Variants in DEFA4 observed in about 807,000 individuals in gnomAD.
DEFA4 encodes corticostatin.
In DEFA4, 8 loss-of-function variants were observed where a neutral mutation model predicts 4.4. The ratio of observed to expected loss-of-function variants is 1.82; its 90% CI spans 1.07 to 3.29. The LOEUF is 3.29. Ranked by LOEUF, DEFA4 falls within the 30% of genes most tolerant of loss-of-function variation. The pLI is 0.00. For synonymous variants in DEFA4, 77 were observed against 46.5 expected, an observed-to-expected ratio of 1.66 and a Z score of -2.67; for missense variants, 216 against 127.0, an observed-to-expected ratio of 1.70 and a Z score of -3.37.
intron 1 of DEFA4, among the ~76,000 whole-genome samples, 162 bp from the exon 2 acceptor site, chr8:6,937,073 A>G (rs1808890162): frequency 6.6e-6 from 1 of 152,038 alleles, no homozygotes; most frequent in South Asian, 2.1e-4. Context: ...TGGCCTTGAC[A>G]TCCCTGGAAT....
chr8:6,936,645 T>A lies in DEFA4; in HGVS notation c.172+83A>T, dbSNP rs1004820017. On this transcript the variant is annotated intron_variant, in intron 2 of 2. Transcript: ENST00000297435. The stretch of plus-strand genomic sequence containing the variant: ...GGTAAGTAAAGCCACCTAAGTGACA[T>A]CCACCATTGAGATGTGATTCCAGAG... 2.2e-6 allele frequency: 3 copies of A among 1,371,304 alleles called. No homozygotes were observed. The African/African-American group carries it at 4.4e-5, about 20-fold the overall frequency. 84.9% of individuals were successfully genotyped at this position (1,371,304 alleles called of 1,614,324 possible).
intron 2 of DEFA4, among the ~76,000 whole-genome samples, chr8:6,936,356 T>G (rs934229963): frequency 1.3e-5 from 2 of 152,156 alleles, no homozygotes; most frequent in African/African-American, 4.8e-5. Context: ...TTTGTGTGCT[T>G]TTGCCCCATC....
intron 1 of DEFA4, 99 bp from the exon 2 acceptor site, chr8:6,937,010 C>T: frequency 1.8e-6 from 2 of 1,107,444 alleles, no homozygotes; most frequent in Middle Eastern, 3.1e-4. Flanking sequence ...AAACCTTTGG[C>T]CTTCTGAGTG....
In DEFA4 at chr8:6,936,088, C is replaced by G. The variant is rs1224631246; in HGVS notation, c.226G>C (p.Glu76Gln). Residue 76 changes from glutamate (E) to glutamine (Q), a missense_variant, in exon 3 of 3, where the codon GAA becomes CAA. Glu to Gln is a conservative substitution (Grantham distance 29, BLOSUM62 2). Transcript: ENST00000297435. ...ATGAGGCAGTTCCCAACACGAAGTTCTGTTCGCCGGCAGAATACTAATCTG... is the reference window on the plus strand; with the variant it reads ...ATGAGGCAGTTCCCAACACGAAGTTGTGTTCGCCGGCAGAATACTAATCTG... ...SCRLVFCRRT[E>Q]LRVGNCLIGG... is the part of the protein sequence containing the mutation. 1 of 1,614,070 alleles carries G rather than the reference C, an allele frequency of 6.2e-7. No individual in the cohort carries two copies. Among genetic ancestry groups the G allele is most frequent in the Admixed American group, 1.7e-5 (1 of 60,016 alleles).
rs7002252 is a variant in DEFA4 at position 6,936,606 on chromosome 8, C to T, written c.172+122G>A. ...CTATTCAGTTTGGAGATAAGAAAATCGAGGCCCAGAGATGGTAAGTAAAGC... is the reference window on the plus strand; with the variant it reads ...CTATTCAGTTTGGAGATAAGAAAATTGAGGCCCAGAGATGGTAAGTAAAGC... On this transcript the variant is annotated intron_variant, in intron 2 of 2. Coordinates refer to ENST00000297435, the MANE Select transcript of DEFA4 (RefSeq NM_001925.3). 1,773 of 970,854 alleles carry T rather than the reference C, an allele frequency of 1.8e-3. 28 individuals carry two copies. The African/African-American group carries it at 0.023, about 13-fold the overall frequency. 60.1% of individuals were successfully genotyped at this position (970,854 alleles called of 1,614,324 possible).
Position 6,935,979 on chromosome 8 carries a change from G to C in DEFA4, c.*41C>G, listed in dbSNP as rs757454632. On this transcript the variant is annotated 3_prime_UTR_variant, in exon 3 of 3. Coordinates refer to ENST00000297435, the MANE Select transcript of DEFA4 (RefSeq NM_001925.3). The stretch of plus-strand genomic sequence containing the variant: ...AGCATGTGAAGCTAACACCACCGAT[G>C]ATGGCGTTCCCAGCATGACATTCTC... The C allele has an allele frequency of 3.7e-6, 6 of 1,611,908 alleles. No homozygotes were observed. Among genetic ancestry groups the C allele is most frequent in the Non-Finnish European group, 5.1e-6 (6 of 1,178,364 alleles).
rs1306010623 is a variant in DEFA4, at chr8:6,936,776, T to C, written c.124A>G (p.Ile42Val). ...TTATCCCATGCAAAGGAAATAGATA[T>C]GTCCTGGTCTTCTGGCCCACGCTGC... is the stretch of plus-strand genomic sequence containing the variant. ...QEQRGPEDQDISISFAWDKSS... is the reference protein window; with the variant it reads ...QEQRGPEDQDVSISFAWDKSS... The change falls in exon 2 of 3, where the codon ATA becomes GTA. Residue 42 changes from isoleucine to valine, a missense_variant. Coordinates refer to ENST00000297435, the MANE Select transcript of DEFA4 (RefSeq NM_001925.3). 3 of 1,613,210 alleles carry C rather than the reference T, an allele frequency of 1.9e-6. No homozygotes were observed. Among genetic ancestry groups the C allele is most frequent in the South Asian group, 1.1e-5 (1 of 90,750 alleles).
intron 1 of DEFA4, among the ~76,000 whole-genome samples, chr8:6,937,834 T>A (rs1808927424): frequency 6.6e-6 from 1 of 152,168 alleles, no homozygotes; most frequent in African/African-American, 2.4e-5. Context: ...AGAAAATGTT[T>A]GCAAAGCCTA....
At chr8:6,937,027 G>C in intron 1 of DEFA4, 116 bp from the exon 2 acceptor site, 1 of 907,108 alleles carries the variant, frequency 1.1e-6, no homozygotes, top group South Asian at 2.4e-5. Flanking sequence ...AGTGAGAGGA[G>C]GTGTGCATTT....
rs1322888738 is a variant in DEFA4, at chr8:6,936,718, C to A, written c.172+10G>T. 2.5e-6 allele frequency: 4 copies of A among 1,580,352 alleles called. No individual in the cohort carries two copies. The South Asian group carries it at 3.5e-5, about 14-fold the overall frequency. ...AGACTCGGTAGCTTTTTTATGCTGGCCTCTCTCACCTGAAACCTGAAGAGC... is the reference window on the plus strand; with the variant it reads ...AGACTCGGTAGCTTTTTTATGCTGGACTCTCTCACCTGAAACCTGAAGAGC... On this transcript the variant is annotated intron_variant, in intron 2 of 2. Coordinates refer to ENST00000297435, the MANE Select transcript of DEFA4 (RefSeq NM_001925.3).
In DEFA4 at chr8:6,936,071, G is replaced by A. The variant is rs758199661; in HGVS notation, c.243C>T (p.Asn81=). The A allele has an allele frequency of 1.9e-6, 3 of 1,613,904 alleles. No individual in the cohort carries two copies. The highest frequency in any genetic ancestry group is 2.5e-6 in the Non-Finnish European group (3 of 1,180,014). ...TGAAACTCACACCACCAATGAGGCA[G>A]TTCCCAACACGAAGTTCTGTTCGCC... ...FCRRTELRVG[N]CLIGGVSFTY... The change falls in exon 3 of 3, where the codon AAC becomes AAT. Residue 81 remains asparagine, a synonymous_variant. Transcript: ENST00000297435.
Position 6,936,797 on chromosome 8 carries a change from G to T in DEFA4, c.103C>A (p.Arg35Ser). Residue 35 changes from arginine to serine, a missense_variant, in exon 2 of 3, where the codon CGT (arginine) becomes AGT (serine). By Grantham distance (110) the Arg-to-Ser change is moderately radical. Coordinates refer to ENST00000297435, the MANE Select transcript of DEFA4 (RefSeq NM_001925.3). ...RGDEAPGQEQ[R>S]GPEDQDISIS... ...GATATGTCCTGGTCTTCTGGCCCAC[G>T]CTGCTCCTGGCCTGGAGCCTCATCA... The T allele has an allele frequency of 6.2e-7, 1 of 1,613,602 alleles. No individual in the cohort carries two copies. The highest frequency in any genetic ancestry group is 8.5e-7 in the Non-Finnish European group (1 of 1,179,816).
intron 1 of DEFA4, 21 bp from the exon 2 acceptor site, chr8:6,936,932 G>T (rs781063548): frequency 1.3e-6 from 2 of 1,534,432 alleles, no homozygotes; most frequent in Non-Finnish European, 1.8e-6. Flanking sequence ...GAGAGCAGGA[G>T]CAGCTGTGTG....
chr8:6,937,362 G>T (rs895269003), intron 1 of DEFA4, among the ~76,000 whole-genome samples: 2 of 152,084 alleles, frequency 1.3e-5, no homozygotes, highest in African/African-American at 2.4e-5. Flanking sequence ...GTGGAGTAGA[G>T]AGTAACTCAT....
chr8:6,935,829 A>T lies in DEFA4; in HGVS notation c.*191T>A, dbSNP rs1808821950. 1 of 690,236 alleles carries T rather than the reference A, an allele frequency of 1.4e-6. No homozygotes were observed. The highest frequency in any genetic ancestry group is 2.4e-6 in the Non-Finnish European group (1 of 414,714). 42.8% of individuals were successfully genotyped at this position (690,236 alleles called of 1,614,324 possible). On this transcript the variant is annotated 3_prime_UTR_variant, in exon 3 of 3. Coordinates refer to ENST00000297435, the MANE Select transcript of DEFA4 (RefSeq NM_001925.3). ...GAGGTGTAAACAAAGACATCTTGTT[A>T]CGAGATATATATTTAGGATCAAGAA... is the stretch of plus-strand genomic sequence containing the variant.
chr8:6,935,957 A>G lies in DEFA4; in HGVS notation c.*63T>C, dbSNP rs913132732. On this transcript the variant is annotated 3_prime_UTR_variant, in exon 3 of 3. Transcript: ENST00000297435. The stretch of plus-strand genomic sequence containing the variant: ...ATTCTGCAAGCTCAGCTGCAGAAGC[A>G]TGTGAAGCTAACACCACCGATGATG... 18 of 1,609,070 alleles carry G rather than the reference A, an allele frequency of 1.1e-5. No individual in the cohort carries two copies. The highest frequency in any genetic ancestry group is 4.4e-5 in the South Asian group (4 of 90,598).
chr8:6,936,111 C>T lies in DEFA4; in HGVS notation c.203G>A (p.Arg68Lys), dbSNP rs1392649452. Residue 68 changes from arginine (R) to lysine (K), a missense_variant, in exon 3 of 3, where the codon AGA becomes AAA. Coordinates refer to ENST00000297435, the MANE Select transcript of DEFA4 (RefSeq NM_001925.3). Reference protein sequence around the residue: ...GSTRGMVCSCRLVFCRRTELR... With the variant: ...GSTRGMVCSCKLVFCRRTELR... ...TTCTGTTCGCCGGCAGAATACTAAT[C>T]TGCAAGAGCAGACCATGCCCCTTGT... 4 of 1,613,920 alleles carry T rather than the reference C, an allele frequency of 2.5e-6. No homozygotes were observed. The African/African-American group carries it at 5.3e-5, about 22-fold the overall frequency.
chr8:6,935,898 G>C lies in DEFA4; in HGVS notation c.*122C>G. 8 of 1,373,150 alleles carry C rather than the reference G, an allele frequency of 5.8e-6. No homozygotes were observed. The highest frequency in any genetic ancestry group is 7.2e-6 in the Non-Finnish European group (7 of 973,372). 85.1% of individuals were successfully genotyped at this position (1,373,150 alleles called of 1,614,324 possible). A position where few individuals can be genotyped will look rare whatever the true frequency, so the allele number is the denominator to read the frequency against. On this transcript the variant is annotated 3_prime_UTR_variant, in exon 3 of 3. Transcript: ENST00000297435. ...ATAGGAGAAACAACCATTTCCTGTA[G>C]CTCTCAAAGCAAATTATGAGCTCAT...
intron 2 of DEFA4, among the ~76,000 whole-genome samples, chr8:6,936,362 C>G (rs186370500): frequency 9.7e-4 from 147 of 152,218 alleles, no homozygotes; most frequent in Middle Eastern, 3.4e-3. Context: ...TGCTTTTGCC[C>G]CATCAGACAC....
Sources: gnomAD v4.1 joint callset for allele counts (sites outside exome capture counted in the v4.1 genomes callset) on GRCh38, gnomAD v4.1.1 for gene constraint, MANE v1.5 for transcripts, NCBI Gene and HGNC (gene_info 2026-07-23, HGNC 2026-07-21) for gene names.